The following BACH2 variants were observed in gnomAD, a reference collection of about 807,000 sequenced individuals.
The protein encoded by BACH2 is transcription regulator protein BACH2.
In BACH2, 5 loss-of-function variants were observed where a neutral mutation model predicts 61.8. The observed-to-expected ratio is 0.08, with a 90% confidence interval of 0.04 to 0.17. The LOEUF is 0.17. Among genes scored for constraint, BACH2 ranks in the 10% least tolerant of loss-of-function variants. The pLI, the probability that BACH2 is intolerant of heterozygous loss-of-function variation, is 1.00. For synonymous variants in BACH2, 446 were observed against 440.1 expected, an observed-to-expected ratio of 1.01 and a Z score of -0.17; for missense variants, 824 against 1,091.1, an observed-to-expected ratio of 0.76 and a Z score of 3.45.
At chr6:90,248,764 C>T (rs1770714405) in intron 3 of BACH2, among the ~76,000 whole-genome samples, 1 of 152,284 alleles carries the variant, frequency 6.6e-6, no homozygotes, top group African/African-American at 2.4e-5. Context: ...GCCAGGTCAG[C>T]AGACTCCCAC....
At chr6:89,948,260 G>A (rs982905754) in intron 7 of BACH2, among the ~76,000 whole-genome samples, 1 of 152,074 alleles carries the variant, frequency 6.6e-6, no homozygotes, top group Non-Finnish European at 1.5e-5. Context: ...AGGCTGGAGT[G>A]CAGTGCCACC....
chr6:90,038,927 C>A (rs1376108433), intron 5 of BACH2, among the ~76,000 whole-genome samples: 1 of 151,768 alleles, frequency 6.6e-6, no homozygotes, highest in Non-Finnish European at 1.5e-5. Context: ...GTAATCCCAG[C>A]TACTCAGGAG....
chr6:89,952,230 C>T (rs561426766), intron 6 of BACH2: 3 of 202,104 alleles, frequency 1.5e-5, no homozygotes, highest in South Asian at 2.1e-4. Flanking sequence ...CCATTCTACA[C>T]GAGGGGGGAG....
chr6:89,960,899 G>A (rs1413560598), intron 6 of BACH2, among the ~76,000 whole-genome samples: 1 of 152,200 alleles, frequency 6.6e-6, no homozygotes, highest in African/African-American at 2.4e-5. Flanking sequence ...GGCTGAAACT[G>A]CCCCTTAGGT....
rs1377540608 is a variant in BACH2, at chr6:89,951,957, G to A, written c.244-95C>T. The A allele has an allele frequency of 4.9e-6, 7 of 1,422,598 alleles. No individual in the cohort carries two copies. In the African/African-American group the frequency reaches 5.7e-5, roughly 12 times the overall value. 88.1% of individuals were successfully genotyped at this position (1,422,598 alleles called of 1,614,324 possible). On this transcript the variant is annotated intron_variant, in intron 6 of 8. Transcript: ENST00000257749. This position sits in a 1 kb window ranked among gnomAD's most constrained non-coding sequence, Gnocchi z 6.4. ...AGCAAGATAACCAGACAGTGCTAAT[G>A]TCCCAGAATAAAGACTGCAAAGGGG...
chr6:90,137,495 T>G (rs1031154653), intron 4 of BACH2, among the ~76,000 whole-genome samples: 2 of 152,198 alleles, frequency 1.3e-5, no homozygotes, highest in Non-Finnish European at 2.9e-5. Context: ...CTAACTAGTT[T>G]CTCCGTTCTT....
At chr6:89,937,439 C>CAT (rs1255112730) in intron 8 of BACH2, among the ~76,000 whole-genome samples, 1 of 152,190 alleles carries the variant, frequency 6.6e-6, no homozygotes, top group African/African-American at 2.4e-5. Flanking sequence ...GTGCCTGAGT[C>CAT]ATAGCGTTCA....
rs575819044 is a variant in BACH2 at position 90,235,401 on chromosome 6, A to T, written c.-275+17112T>A. Among the ~76,000 whole-genome samples, 48 of 152,372 alleles carry T rather than the reference A, an allele frequency of 3.2e-4. 1 individual carries two copies. The highest frequency in any genetic ancestry group is 3.4e-3 in the Middle Eastern group (1 of 294). On this transcript the variant is annotated intron_variant, in intron 3 of 8. Transcript: ENST00000257749. ...TTGTGAAGATTATGTCAAAGTAGAT[A>T]AAGCATTTAGAACAGTGCCCAACAC...
intron 3 of BACH2, among the ~76,000 whole-genome samples, chr6:90,233,174 G>A (rs915752157): frequency 6.6e-6 from 1 of 152,170 alleles, no homozygotes. Context: ...AGGAAGCTGG[G>A]ATCATGAGGA....
chr6:90,129,352 G>A (rs571765977), intron 4 of BACH2, among the ~76,000 whole-genome samples: 1 of 152,046 alleles, frequency 6.6e-6, no homozygotes, highest in African/African-American at 2.4e-5. Flanking sequence ...CTAAAAAAAC[G>A]GGGTACATGT....
intron 4 of BACH2, among the ~76,000 whole-genome samples, chr6:90,140,909 C>T (rs1346485551): frequency 6.6e-6 from 1 of 152,050 alleles, no homozygotes; most frequent in African/African-American, 2.4e-5. Flanking sequence ...AGAAATTTAA[C>T]TTAAGAAAAA....
At chr6:90,124,904 T>G (rs1783784124) in intron 4 of BACH2, among the ~76,000 whole-genome samples, 1 of 152,178 alleles carries the variant, frequency 6.6e-6, no homozygotes, top group Non-Finnish European at 1.5e-5. Context: ...CCTCACACTC[T>G]TGCCAACACT....
chr6:89,941,331 A>T (rs1249577746), intron 7 of BACH2, among the ~76,000 whole-genome samples: 1 of 152,108 alleles, frequency 6.6e-6, no homozygotes, highest in Non-Finnish European at 1.5e-5. Context: ...CACAGCTCCG[A>T]GCTTGTGCAG....
chr6:90,236,507 G>A (rs1417076514), intron 3 of BACH2, among the ~76,000 whole-genome samples: 1 of 152,198 alleles, frequency 6.6e-6, no homozygotes, highest in Non-Finnish European at 1.5e-5. Context: ...CAAAGGAAGA[G>A]AAGTCTTCGG....
intron 5 of BACH2, among the ~76,000 whole-genome samples, chr6:90,058,867 AT>A (rs1215412583): frequency 6.6e-5 from 10 of 152,268 alleles, no homozygotes; most frequent in African/African-American, 2.4e-4. Flanking sequence ...AAAACAAGAA[AT>A]GGGGAAAGGA....
At chr6:89,944,210 G>C (rs1584510171) in intron 7 of BACH2, among the ~76,000 whole-genome samples, 1 of 152,262 alleles carries the variant, frequency 6.6e-6, no homozygotes, top group South Asian at 2.1e-4. Context: ...GGATCTAGGA[G>C]TCACAGGGCG....
chr6:89,932,842 A>G lies in BACH2; in HGVS notation c.2092T>C (p.Cys698Arg). The G allele has an allele frequency of 6.2e-7, 1 of 1,609,598 alleles. No individual in the cohort carries two copies. ...AAGTTGTCCAACAGTTCCCCCATGC[A>G]TGCTTTCAGTTGATTCCTCTCTGAC... ...LLSERNQLKA[C>R]MGELLDNFSC... is the part of the protein sequence containing the mutation. The change falls in exon 9 of 9, where the codon TGC becomes CGC. Residue 698 changes from cysteine to arginine, a missense_variant. Around this residue, in one of 8 missense-constraint regions of BACH2, gnomAD observed 160 missense variants for 283.5 expected, o/e 0.56. Transcript: ENST00000257749.
intron 4 of BACH2, among the ~76,000 whole-genome samples, chr6:90,124,555 G>A (rs1783769445): frequency 6.6e-6 from 1 of 152,156 alleles, no homozygotes; most frequent in African/African-American, 2.4e-5. Context: ...TTTGTAACTT[G>A]CTTTTTCCAC....
intron 6 of BACH2, among the ~76,000 whole-genome samples, chr6:89,974,621 A>C (rs1775551057): frequency 6.6e-6 from 1 of 152,208 alleles, no homozygotes; most frequent in South Asian, 2.1e-4. Context: ...AAAGGGCACC[A>C]AGTCAAAGTT....
Sources: allele counts gnomAD v4.1 joint callset (sites outside exome capture counted in the v4.1 genomes callset), GRCh38; gene constraint gnomAD v4.1.1; regional missense constraint gnomAD v4.1.1; non-coding constraint Gnocchi (gnomAD v3.1); transcripts MANE v1.5; gene names NCBI Gene and HGNC (gene_info 2026-07-23, HGNC 2026-07-21).